STAB2: variants seen among roughly 807,000 people sequenced by gnomAD.
STAB2 encodes stabilin-2.
Under a neutral mutation model 338.1 loss-of-function variants are expected in STAB2, and 288 were observed. The observed-to-expected ratio is 0.85, with a 90% CI of 0.77 to 0.94. STAB2 has a LOEUF of 0.94. Among genes scored for constraint, STAB2 ranks in the 40% least tolerant of loss-of-function variants. The probability of loss-of-function intolerance (pLI) is 0.00; values close to 1 mark genes in which losing one functional copy is unlikely to be tolerated. For missense variants in STAB2, 3,141 were observed against 3,210.1 expected, an observed-to-expected ratio of 0.98 and a Z score of 0.52; for synonymous variants, 1,202 against 1,193.3, an observed-to-expected ratio of 1.01 and a Z score of -0.15.
At chr12:103,672,482 T>C (rs1335659741) in intron 22 of STAB2, among the ~76,000 whole-genome samples, 3 of 152,220 alleles carry the variant, frequency 2.0e-5, no homozygotes, top group Non-Finnish European at 4.4e-5. Context: ...AATTAAATGC[T>C]GACTTCCCTA....
chr12:103,616,703 C>A (rs1458175475), intron 3 of STAB2, among the ~76,000 whole-genome samples: 1 of 152,214 alleles, frequency 6.6e-6, no homozygotes, highest in African/African-American at 2.4e-5. Context: ...GTACAGGGAA[C>A]AAGAGAGGGA....
At chr12:103,730,311 C>T in intron 49 of STAB2, 55 bp downstream of exon 49, 1 of 1,564,284 alleles carries the variant, frequency 6.4e-7, no homozygotes, top group Admixed American at 1.9e-5. Flanking sequence ...ACATTATCAT[C>T]TCTATTCTGA....
In STAB2 at chr12:103,695,751, G is replaced by A. The variant is rs146946520; in HGVS notation, c.3489G>A (p.Ala1163=). ...TTCCATCGCAGCAATATAATCTGGC[G>A]AATGCAATTGAGGCTGCCGATGCCT... ...FRGYIIQYNL[A]NAIEAADAYT... The change falls in exon 33 of 69, where the codon GCG becomes GCA. Residue 1163 remains alanine (A), a synonymous_variant. Coordinates refer to ENST00000388887, the MANE Select transcript of STAB2 (RefSeq NM_017564.10). The A allele has an allele frequency of 8.6e-5, 138 of 1,613,886 alleles. No homozygotes were observed. The African/African-American group carries it at 1.2e-3, about 15-fold the overall frequency.
At chr12:103,698,979 T>C (rs1566025120) in intron 33 of STAB2, 117 bp from the exon 34 acceptor site, 1 of 1,314,982 alleles carries the variant, frequency 7.6e-7, no homozygotes, top group Non-Finnish European at 1.0e-6. Flanking sequence ...TGTCAAAACT[T>C]CCACTTGGAC....
intron 26 of STAB2, 105 bp downstream of exon 26, chr12:103,683,405 T>G: frequency 1.0e-6 from 1 of 976,210 alleles, no homozygotes; most frequent in Non-Finnish European, 1.5e-6. Flanking sequence ...CAAAATCTCT[T>G]ACCCCCAAAA....
At chr12:103,752,214 T>C (rs1205845664) in intron 60 of STAB2, among the ~76,000 whole-genome samples, 2 of 152,220 alleles carry the variant, frequency 1.3e-5, no homozygotes, top group African/African-American at 4.8e-5. Context: ...TAAATGATGA[T>C]AAAATATATT....
intron 51 of STAB2, among the ~76,000 whole-genome samples, chr12:103,734,390 C>T (rs796927707): frequency 6.7e-6 from 1 of 150,330 alleles, no homozygotes; most frequent in Admixed American, 6.6e-5. Context: ...TAGGAGCAAG[C>T]ACAATCATAT....
intron 24 of STAB2, among the ~76,000 whole-genome samples, chr12:103,676,248 A>G (rs1208482281): frequency 2.6e-5 from 4 of 151,926 alleles, no homozygotes; most frequent in Non-Finnish European, 5.9e-5. Flanking sequence ...TTTAGTAGAC[A>G]GGGTTTCACC....
chr12:103,665,675 G>T (rs1370597925), intron 18 of STAB2, among the ~76,000 whole-genome samples: 1 of 152,070 alleles, frequency 6.6e-6, no homozygotes, highest in Non-Finnish European at 1.5e-5. Flanking sequence ...ACTGGACGTT[G>T]GCCAACACCA....
At chr12:103,686,653 G>A (rs1023505642) in intron 27 of STAB2, among the ~76,000 whole-genome samples, 3 of 152,104 alleles carry the variant, frequency 2.0e-5, no homozygotes, top group Admixed American at 2.0e-4. Context: ...CTACAAGAAT[G>A]TGTCACCACA....
At chr12:103,703,001 C>G (rs892790702) in intron 34 of STAB2, 147 bp from the exon 35 acceptor site, 5 of 957,044 alleles carry the variant, frequency 5.2e-6, no homozygotes, top group Non-Finnish European at 5.9e-6. Context: ...TAAGTCAGAG[C>G]TCTTTCCAAT....
In STAB2 at chr12:103,662,880, A is replaced by G. The variant is rs550464157; in HGVS notation, c.1904A>G (p.Glu635Gly). ...QILANDVAME[E>G]IEITAKNGRI... ...CTGGCAAATGATGTGGCAATGGAAG[A>G]AATTGAGATCACTGCCAAAAATGGC... is the stretch of plus-strand genomic sequence containing the variant. The change falls in exon 18 of 69, where the codon GAA becomes GGA. Residue 635 changes from glutamate (E) to glycine (G), a missense_variant. Glu to Gly is a moderately conservative substitution (Grantham distance 98, BLOSUM62 -2). Coordinates refer to ENST00000388887, the MANE Select transcript of STAB2 (RefSeq NM_017564.10). 1.3e-4 allele frequency: 217 copies of G among 1,614,214 alleles called. 1 individual carries two copies. In the South Asian group the frequency reaches 2.3e-3, roughly 17 times the overall value.
chr12:103,745,341 A>G (rs1219233448), intron 57 of STAB2, 64 bp downstream of exon 57: 2 of 1,449,522 alleles, frequency 1.4e-6, no homozygotes, highest in East Asian at 2.4e-5. Context: ...CCAAGAGCAT[A>G]CAAGTGAGGT....
chr12:103,703,277 G>C lies in STAB2; in HGVS notation c.3843+1G>C, dbSNP rs1293889347. ...TAATAATGACACTACTATTATACGA[G>C]TAAGTTCTATGGGCCAGAGCCAGTG... On this transcript the variant is annotated splice_donor_variant, in intron 35 of 68. Transcript: ENST00000388887. LOFTEE classifies it high-confidence loss of function. The C allele has an allele frequency of 1.2e-6, 2 of 1,611,724 alleles. No individual in the cohort carries two copies. The highest frequency in any genetic ancestry group is 2.7e-5 in the African/African-American group (2 of 74,910).
At chr12:103,736,815 T>A (rs1024284753) in intron 52 of STAB2, among the ~76,000 whole-genome samples, 16 of 152,090 alleles carry the variant, frequency 1.1e-4, no homozygotes, top group African/African-American at 2.9e-4. Context: ...ACTATCTCCA[T>A]CCCATCCATA....
At chr12:103,732,079 C>A (rs1881677922) in intron 50 of STAB2, among the ~76,000 whole-genome samples, 1 of 152,134 alleles carries the variant, frequency 6.6e-6, no homozygotes, top group Non-Finnish European at 1.5e-5. Flanking sequence ...GAGGCCAAAG[C>A]AGGTGGATCA....
At chr12:103,709,997 A>G (rs113639052) in intron 39 of STAB2, among the ~76,000 whole-genome samples, 2 of 152,130 alleles carry the variant, frequency 1.3e-5, no homozygotes, top group South Asian at 2.1e-4. Context: ...CATACCTAAC[A>G]TATTCCATGT....
Position 103,739,354 on chromosome 12 carries a change from A to T in STAB2, c.5698-58A>T, listed in dbSNP as rs1049517988. Reference sequence around the variant, plus strand: ...ATCCATCCAGGTATTAATCAGGAACATTTCCTTGTGTTTTCTGATATTCTT... The same window carrying T: ...ATCCATCCAGGTATTAATCAGGAACTTTTCCTTGTGTTTTCTGATATTCTT... On this transcript the variant is annotated intron_variant, in intron 53 of 68. Coordinates refer to ENST00000388887, the MANE Select transcript of STAB2 (RefSeq NM_017564.10). 14 of 1,473,766 alleles carry T rather than the reference A, an allele frequency of 9.5e-6. No individual in the cohort carries two copies. In the African/African-American group the frequency reaches 2.0e-4, roughly 21 times the overall value. The allele number at this position is 1,473,766 out of a possible 1,614,324, so 91.3% of individuals were successfully genotyped here.
intron 25 of STAB2, among the ~76,000 whole-genome samples, chr12:103,678,440 C>A (rs1876587595): frequency 6.6e-6 from 1 of 152,216 alleles, no homozygotes; most frequent in African/African-American, 2.4e-5. Context: ...AAAGCCAGAG[C>A]TTGTAGTGGA....
Sources: allele counts gnomAD v4.1 joint callset (sites outside exome capture counted in the v4.1 genomes callset), GRCh38; gene constraint gnomAD v4.1.1; transcripts MANE v1.5; gene names NCBI Gene and HGNC (gene_info 2026-07-23, HGNC 2026-07-21).